The following FSBP variants were observed in gnomAD, a reference collection of about 807,000 sequenced individuals.
The protein encoded by FSBP is fibrinogen silencer binding protein.
In FSBP, 18 loss-of-function variants were observed where a neutral mutation model predicts 24.6. The ratio of observed to expected loss-of-function variants is 0.73; its 90% CI spans 0.51 to 1.08. The LOEUF (loss-of-function observed/expected upper bound fraction) is 1.08. Ranked by LOEUF, FSBP falls within the 50% of genes least tolerant of loss-of-function variation. The pLI, the probability that FSBP is intolerant of heterozygous loss-of-function variation, is 0.00. For synonymous variants in FSBP, 110 were observed against 125.8 expected (o/e 0.87, Z 0.84); for missense variants, 305 against 347.6 (o/e 0.88, Z 0.98).
Position 94,427,799 on chromosome 8 carries a change from T to C in FSBP, c.*4332A>G. ...TATCTACAGTATATATTAAACACAATTTATTACACTCTAAGTTATTTAAAC... is the reference window on the plus strand; with the variant it reads ...TATCTACAGTATATATTAAACACAACTTATTACACTCTAAGTTATTTAAAC... On this transcript the variant is annotated 3_prime_UTR_variant, in exon 2 of 2. Coordinates refer to ENST00000481490, the MANE Select transcript of FSBP (RefSeq NM_001256141.2). 1.0e-6 allele frequency: 1 copy of C among 957,160 alleles called. No individual in the cohort carries two copies. Among genetic ancestry groups the C allele is most frequent in the Non-Finnish European group, 1.2e-6 (1 of 804,420 alleles). 59.3% of individuals were successfully genotyped at this position (957,160 alleles called of 1,614,324 possible). A position where few individuals can be genotyped will look rare whatever the true frequency, so the allele number is the denominator to read the frequency against.
intron 1 of FSBP, 30 bp downstream of exon 1, chr8:94,436,465 T>C: frequency 6.7e-7 from 1 of 1,500,372 alleles, no homozygotes; most frequent in East Asian, 2.5e-5. Flanking sequence ...GGCGCCATAA[T>C]TTTCCATAAC....
Position 94,430,605 on chromosome 8 carries a change from G to T in FSBP, c.*1526C>A. 1 of 603,546 alleles carries T rather than the reference G, an allele frequency of 1.7e-6. No homozygotes were observed. Among genetic ancestry groups the T allele is most frequent in the Non-Finnish European group, 2.1e-6 (1 of 481,768 alleles). 37.4% of individuals were successfully genotyped at this position (603,546 alleles called of 1,614,324 possible). A position where few individuals can be genotyped will look rare whatever the true frequency, so the allele number is the denominator to read the frequency against. ...GTTCTCAAGTGATGCTGATGCTGCT[G>T]GTCAGGACCCATACTTGGAAAACCA... is the stretch of plus-strand genomic sequence containing the variant. On this transcript the variant is annotated 3_prime_UTR_variant, in exon 2 of 2. Transcript: ENST00000481490.
Position 94,430,267 on chromosome 8 carries a change from C to T in FSBP, c.*1864G>A. 1 of 863,838 alleles carries T rather than the reference C, an allele frequency of 1.2e-6. No homozygotes were observed. Among genetic ancestry groups the T allele is most frequent in the East Asian group, 1.2e-4 (1 of 8,184 alleles). 53.5% of individuals were successfully genotyped at this position (863,838 alleles called of 1,614,324 possible). A position where few individuals can be genotyped will look rare whatever the true frequency, so the allele number is the denominator to read the frequency against. On this transcript the variant is annotated 3_prime_UTR_variant, in exon 2 of 2. Transcript: ENST00000481490. The stretch of plus-strand genomic sequence containing the variant: ...CGGAGATTGCAGTGAGCCAACATCG[C>T]ACCACTGCACTCCAACCTAGGTGAC...
In FSBP at chr8:94,429,750, C is replaced by A; in HGVS notation, c.*2381G>T. 1 of 984,490 alleles carries A rather than the reference C, an allele frequency of 1.0e-6. No individual in the cohort carries two copies. Among genetic ancestry groups the A allele is most frequent in the African/African-American group, 1.7e-5 (1 of 57,334 alleles). The allele number at this position is 984,490 out of a possible 1,614,324, so 61.0% of individuals were successfully genotyped here. ...ATATCAAGTTATATATTCAGGACATCTTTATAATTAAAGAAGTTAACTCTA... is the reference window on the plus strand; with the variant it reads ...ATATCAAGTTATATATTCAGGACATATTTATAATTAAAGAAGTTAACTCTA... On this transcript the variant is annotated 3_prime_UTR_variant, in exon 2 of 2. Transcript: ENST00000481490.
chr8:94,431,695 A>T lies in FSBP; in HGVS notation c.*436T>A. The T allele has an allele frequency of 1.0e-6, 1 of 984,382 alleles. No individual in the cohort carries two copies. Among genetic ancestry groups the T allele is most frequent in the South Asian group, 4.7e-5 (1 of 21,294 alleles). 61.0% of individuals were successfully genotyped at this position (984,382 alleles called of 1,614,324 possible). ...ATTTACTCCTTCAAAAGATAAAAGC[A>T]TAAAAACCAATGTCATACAGACAAG... On this transcript the variant is annotated 3_prime_UTR_variant, in exon 2 of 2. Coordinates refer to ENST00000481490, the MANE Select transcript of FSBP (RefSeq NM_001256141.2).
Position 94,430,359 on chromosome 8 carries a change from C to T in FSBP, c.*1772G>A, listed in dbSNP as rs188339953. 4.0e-4 allele frequency: 398 copies of T among 983,580 alleles called. 1 individual carries two copies. In the East Asian group the frequency reaches 5.8e-3, roughly 14 times the overall value. The allele number at this position is 983,580 out of a possible 1,614,324, so 60.9% of individuals were successfully genotyped here. A position where few individuals can be genotyped will look rare whatever the true frequency, so the allele number is the denominator to read the frequency against. ...AATGTAATTCATAATCTGGTATCAACCATCATCCAAATTTATATCCCTCAG... is the reference window on the plus strand; with the variant it reads ...AATGTAATTCATAATCTGGTATCAATCATCATCCAAATTTATATCCCTCAG... On this transcript the variant is annotated 3_prime_UTR_variant, in exon 2 of 2. Transcript: ENST00000481490.
intron 1 of FSBP, among the ~76,000 whole-genome samples, chr8:94,433,391 G>C (rs551711872): frequency 5.9e-5 from 9 of 152,054 alleles, no homozygotes; most frequent in African/African-American, 2.2e-4. Flanking sequence ...TCAGTACCTA[G>C]CAGGTACTGT....
At position 94,432,728 on chromosome 8, in the gene FSBP, T is replaced by A; in HGVS notation, c.375-72A>T. The A allele has an allele frequency of 2.2e-6, 3 of 1,376,528 alleles. No homozygotes were observed. In the South Asian group the frequency reaches 6.0e-5, roughly 27 times the overall value. 85.3% of individuals were successfully genotyped at this position (1,376,528 alleles called of 1,614,324 possible). On this transcript the variant is annotated intron_variant, in intron 1 of 1. Coordinates refer to ENST00000481490, the MANE Select transcript of FSBP (RefSeq NM_001256141.2). ...AAAGTGTATATTTATAGCATAATTT[T>A]AATTTAATGTACATTAAATGATAAA...
In FSBP at chr8:94,432,399, G is replaced by A; in HGVS notation, c.632C>T (p.Pro211Leu). ...MRMTSSPSSI[P>L]RRDDFFRHES... ...ATGCCGAAAAAAATCATCTCTCCTTGGAATAGAAGATGGAGACGATGTCAT... is the reference window on the plus strand; with the variant it reads ...ATGCCGAAAAAAATCATCTCTCCTTAGAATAGAAGATGGAGACGATGTCAT... The change falls in exon 2 of 2, where the codon CCA becomes CTA. Residue 211 changes from proline (P) to leucine (L), a missense_variant. Transcript: ENST00000481490. 1.9e-6 allele frequency: 3 copies of A among 1,550,362 alleles called. No homozygotes were observed. Among genetic ancestry groups the A allele is most frequent in the Non-Finnish European group, 1.7e-6 (2 of 1,146,890 alleles).
Position 94,432,283 on chromosome 8 carries a change from G to C in FSBP, c.748C>G (p.Gln250Glu). 1 of 1,549,926 alleles carries C rather than the reference G, an allele frequency of 6.5e-7. No homozygotes were observed. The highest frequency in any genetic ancestry group is 8.7e-7 in the Non-Finnish European group (1 of 1,146,790). The change falls in exon 2 of 2, where the codon CAA becomes GAA. Residue 250 changes from glutamine to glutamate, a missense_variant. Transcript: ENST00000481490. ...TGAACATACAATCCAAAATTTTTTT[G>C]ATTTTCTAAAATTATCTGATGCTCC... ...KEEHQIILENQKNFGLYVQEK... is the reference protein window; with the variant it reads ...KEEHQIILENEKNFGLYVQEK...
In FSBP at chr8:94,428,458, T is replaced by A; in HGVS notation, c.*3673A>T. ...CTTATATAAAATGTTTGTATTCACA[T>A]ACAATTTACACACATCCTTCCATAT... On this transcript the variant is annotated 3_prime_UTR_variant, in exon 2 of 2. Transcript: ENST00000481490. The A allele has an allele frequency of 3.0e-6, 1 of 338,246 alleles. No homozygotes were observed. Among genetic ancestry groups the A allele is most frequent in the Non-Finnish European group, 4.2e-6 (1 of 238,574 alleles). The allele number at this position is 338,246 out of a possible 1,614,324, so 21.0% of individuals were successfully genotyped here. A position where few individuals can be genotyped will look rare whatever the true frequency, so the allele number is the denominator to read the frequency against.
In FSBP at chr8:94,430,058, A is replaced by T; in HGVS notation, c.*2073T>A. ...GCTGGGCACGGTGGCTCAAGCCTGT[A>T]ATCCCAGCACTTTGGGAGGCCGAGG... On this transcript the variant is annotated 3_prime_UTR_variant, in exon 2 of 2. Transcript: ENST00000481490. 1.0e-6 allele frequency: 1 copy of T among 979,248 alleles called. No homozygotes were observed. Among genetic ancestry groups the T allele is most frequent in the Non-Finnish European group, 1.2e-6 (1 of 824,348 alleles). The allele number at this position is 979,248 out of a possible 1,614,324, so 60.7% of individuals were successfully genotyped here. A position where few individuals can be genotyped will look rare whatever the true frequency, so the allele number is the denominator to read the frequency against.
At position 94,429,404 on chromosome 8, in the gene FSBP, A is replaced by C. The variant is rs1208024949; in HGVS notation, c.*2727T>G. On this transcript the variant is annotated 3_prime_UTR_variant, in exon 2 of 2. Transcript: ENST00000481490. ...GATGTATACTGCACTTTTTTTTAACACAGATCTCTTTTCTAGAAACATCTC... is the reference window on the plus strand; with the variant it reads ...GATGTATACTGCACTTTTTTTTAACCCAGATCTCTTTTCTAGAAACATCTC... The C allele has an allele frequency of 1.1e-6, 1 of 870,056 alleles. No homozygotes were observed. The highest frequency in any genetic ancestry group is 1.4e-6 in the Non-Finnish European group (1 of 725,352). 53.9% of individuals were successfully genotyped at this position (870,056 alleles called of 1,614,324 possible). A position where few individuals can be genotyped will look rare whatever the true frequency, so the allele number is the denominator to read the frequency against.
chr8:94,436,655 A>G lies in FSBP; in HGVS notation c.214T>C (p.Tyr72His), dbSNP rs1812271137. The G allele has an allele frequency of 1.3e-6, 2 of 1,550,412 alleles. No homozygotes were observed. The highest frequency in any genetic ancestry group is 1.7e-6 in the Non-Finnish European group (2 of 1,146,966). ...PRTAQGLRTL[Y>H]KRLKEYAKQE... ...TTGGCATATTCTTTGAGCCTTTTAT[A>G]AAGGGTGCGTAGGCCCTGTGCTGTT... is the stretch of plus-strand genomic sequence containing the variant. Residue 72 changes from tyrosine to histidine, a missense_variant, in exon 1 of 2, where the codon TAT becomes CAT. Transcript: ENST00000481490.
chr8:94,431,319 C>A lies in FSBP; in HGVS notation c.*812G>T, dbSNP rs1047576664. The stretch of plus-strand genomic sequence containing the variant: ...ATCACACAGCCAAAATATATAATAG[C>A]TTCAATGGAATACCTTATCTATTTT... On this transcript the variant is annotated 3_prime_UTR_variant, in exon 2 of 2. Coordinates refer to ENST00000481490, the MANE Select transcript of FSBP (RefSeq NM_001256141.2). The A allele has an allele frequency of 2.0e-6, 2 of 976,686 alleles. No individual in the cohort carries two copies. Among genetic ancestry groups the A allele is most frequent in the African/African-American group, 3.5e-5 (2 of 56,958 alleles). 60.5% of individuals were successfully genotyped at this position (976,686 alleles called of 1,614,324 possible). A position where few individuals can be genotyped will look rare whatever the true frequency, so the allele number is the denominator to read the frequency against.
chr8:94,429,090 A>G lies in FSBP; in HGVS notation c.*3041T>C, dbSNP rs1035717457. On this transcript the variant is annotated 3_prime_UTR_variant, in exon 2 of 2. Coordinates refer to ENST00000481490, the MANE Select transcript of FSBP (RefSeq NM_001256141.2). ...CAAGACTGACTTGGAGAAAAACAAGATTGACTTGGAAAAGTTGCTGCAGTA... is the reference window on the plus strand; with the variant it reads ...CAAGACTGACTTGGAGAAAAACAAGGTTGACTTGGAAAAGTTGCTGCAGTA... The G allele has an allele frequency of 4.1e-6, 4 of 985,274 alleles. No homozygotes were observed. The African/African-American group carries it at 7.0e-5, about 17-fold the overall frequency. The allele number at this position is 985,274 out of a possible 1,614,324, so 61.0% of individuals were successfully genotyped here. A position where few individuals can be genotyped will look rare whatever the true frequency, so the allele number is the denominator to read the frequency against.
chr8:94,432,983 C>T (rs1033602841), intron 1 of FSBP, among the ~76,000 whole-genome samples: 1 of 152,094 alleles, frequency 6.6e-6, no homozygotes, highest in Non-Finnish European at 1.5e-5. Flanking sequence ...ATCTTTCCCA[C>T]AACCCTAAGG....
Position 94,432,675 on chromosome 8 carries a change from C to A in FSBP, c.375-19G>T. 6.9e-7 allele frequency: 1 copy of A among 1,459,008 alleles called. No individual in the cohort carries two copies. The highest frequency in any genetic ancestry group is 9.1e-7 in the Non-Finnish European group (1 of 1,103,352). The allele number at this position is 1,459,008 out of a possible 1,614,324, so 90.4% of individuals were successfully genotyped here. ...GTTTGCACTATAGCACACAAAAAAG[C>A]ATTATAATATGTAAATCAAATGAAG... On this transcript the variant is annotated intron_variant, in intron 1 of 1. Coordinates refer to ENST00000481490, the MANE Select transcript of FSBP (RefSeq NM_001256141.2).
In FSBP at chr8:94,430,043, G is replaced by GTATTAC. The variant is rs1378653086; in HGVS notation, c.*2087_*2088insGTAATA. 1.5e-5 allele frequency: 15 copies of GTATTAC among 984,806 alleles called. No individual in the cohort carries two copies. The highest frequency in any genetic ancestry group is 1.7e-5 in the Non-Finnish European group (14 of 829,446). 61.0% of individuals were successfully genotyped at this position (984,806 alleles called of 1,614,324 possible). A position where few individuals can be genotyped will look rare whatever the true frequency, so the allele number is the denominator to read the frequency against. Reference sequence around the variant, plus strand: ...AAAAATAGTATTTAGGCTGGGCACGGTGGCTCAAGCCTGTAATCCCAGCAC... The same window carrying GTATTAC: ...AAAAATAGTATTTAGGCTGGGCACGGTATTACTGGCTCAAGCCTGTAATCCCAGCAC... On this transcript the variant is annotated 3_prime_UTR_variant, in exon 2 of 2. Transcript: ENST00000481490.
Sources: allele counts gnomAD v4.1 joint callset (sites outside exome capture counted in the v4.1 genomes callset), GRCh38; gene constraint gnomAD v4.1.1; transcripts MANE v1.5; gene names NCBI Gene and HGNC (gene_info 2026-07-23, HGNC 2026-07-21).